Variants in CALN1 observed in about 807,000 individuals in gnomAD.
The protein encoded by CALN1 is calcium-binding protein 8.
A neutral mutation model predicts 30.6 loss-of-function variants in CALN1; 17 were observed. The ratio of observed to expected loss-of-function variants is 0.56; its 90% CI spans 0.38 to 0.83. The LOEUF (loss-of-function observed/expected upper bound fraction) is 0.83, where lower values mean the gene tolerates loss of function less well. CALN1 is among the 40% of genes least tolerant of loss of function. The pLI is 0.00. For missense variants in CALN1, 291 were observed against 354.9 expected, an observed-to-expected ratio of 0.82 and a Z score of 1.45; for synonymous variants, 156 against 131.4, an observed-to-expected ratio of 1.19 and a Z score of -1.28.
intron 5 of CALN1, among the ~76,000 whole-genome samples, chr7:71,855,449 C>A (rs1292480897): frequency 6.6e-6 from 1 of 152,040 alleles, no homozygotes; most frequent in African/African-American, 2.4e-5. Flanking sequence ...TGGTAAGTAT[C>A]CCCCACCTCA....
At chr7:71,912,247 C>T (rs1794463271) in intron 5 of CALN1, among the ~76,000 whole-genome samples, 1 of 151,974 alleles carries the variant, frequency 6.6e-6, no homozygotes, top group African/African-American at 2.4e-5. Flanking sequence ...CAAGCTATGT[C>T]TTATGGAACC....
At chr7:72,225,988 C>T (rs1008580263) in intron 3 of CALN1, among the ~76,000 whole-genome samples, 9 of 150,216 alleles carry the variant, frequency 6.0e-5, no homozygotes, top group East Asian at 2.0e-4. Flanking sequence ...CCCAGCTACT[C>T]GGGAGGCTGA....
intron 5 of CALN1, among the ~76,000 whole-genome samples, chr7:71,830,192 C>T (rs1325600342): frequency 6.6e-6 from 1 of 151,540 alleles, no homozygotes; most frequent in Non-Finnish European, 1.5e-5. Flanking sequence ...TACAGCCATG[C>T]GCCACCACGG....
At chr7:72,137,529 T>C (rs1254214668) in intron 3 of CALN1, among the ~76,000 whole-genome samples, 1 of 152,158 alleles carries the variant, frequency 6.6e-6, no homozygotes, top group African/African-American at 2.4e-5. Flanking sequence ...CCACAAACCT[T>C]TAATTTGTAA....
intron 5 of CALN1, among the ~76,000 whole-genome samples, chr7:71,829,115 C>T (rs995800608): frequency 6.6e-6 from 1 of 152,168 alleles, no homozygotes; most frequent in Non-Finnish European, 1.5e-5. Context: ...ACCTTGTGCA[C>T]ATGTCAGGAC....
At chr7:72,225,344 G>A (rs796897389) in intron 3 of CALN1, among the ~76,000 whole-genome samples, 21 of 151,986 alleles carry the variant, frequency 1.4e-4, no homozygotes, top group African/African-American at 4.6e-4. Flanking sequence ...ACCCTGCTTC[G>A]GTTCTTTTTC....
At chr7:72,208,782 A>G (rs912709872) in intron 3 of CALN1, among the ~76,000 whole-genome samples, 1 of 152,212 alleles carries the variant, frequency 6.6e-6, no homozygotes, top group Non-Finnish European at 1.5e-5. Context: ...GCCAGACACA[A>G]TAGACCATTT....
intron 5 of CALN1, among the ~76,000 whole-genome samples, chr7:71,861,369 C>G (rs1040672653): frequency 6.6e-6 from 1 of 152,214 alleles, no homozygotes; most frequent in Middle Eastern, 3.4e-3. Flanking sequence ...CTTTCTTGTC[C>G]TTACAAAATC....
chr7:72,006,447 A>T (rs1011939443), intron 5 of CALN1, among the ~76,000 whole-genome samples: 1 of 152,240 alleles, frequency 6.6e-6, no homozygotes, highest in Non-Finnish European at 1.5e-5. Flanking sequence ...ACTGTGAACA[A>T]GCAACAGTTA....
intron 2 of CALN1, among the ~76,000 whole-genome samples, chr7:72,375,574 AAAAAAAAAG>A (rs1387082345): frequency 2.0e-5 from 3 of 151,252 alleles, no homozygotes; most frequent in African/African-American, 7.3e-5. Context: ...CCAGGAAAAA[AAAAAAAAAG>A]AAAAGGAAAA....
chr7:72,242,910 A>C (rs1794930959), intron 3 of CALN1, among the ~76,000 whole-genome samples: 1 of 152,326 alleles, frequency 6.6e-6, no homozygotes, highest in African/African-American at 2.4e-5. Context: ...AAAATTAAAA[A>C]ATAAAAATTA....
At chr7:71,861,160 T>C (rs1791247529) in intron 5 of CALN1, among the ~76,000 whole-genome samples, 1 of 142,234 alleles carries the variant, frequency 7.0e-6, no homozygotes, top group Admixed American at 7.0e-5. Flanking sequence ...TAAAGCAAAC[T>C]GGTGTGTTGT....
intron 6 of CALN1, among the ~76,000 whole-genome samples, chr7:71,800,237 GC>G: frequency 6.6e-6 from 1 of 152,284 alleles, no homozygotes; most frequent in East Asian, 1.9e-4. Flanking sequence ...TCATCATCCA[GC>G]CTTTTCATGG....
intron 6 of CALN1, among the ~76,000 whole-genome samples, chr7:71,806,260 A>ACACG (rs1554341667): frequency 6.0e-5 from 9 of 150,242 alleles, no homozygotes; most frequent in East Asian, 4.1e-4. Context: ...GCACACACAC[A>ACACG]CACACACACA....
intron 5 of CALN1, among the ~76,000 whole-genome samples, chr7:71,997,727 A>C (rs1799324297): frequency 6.6e-6 from 1 of 152,232 alleles, no homozygotes; most frequent in South Asian, 2.1e-4. Flanking sequence ...AAATGACAAT[A>C]ATGTCCCTAT....
intron 5 of CALN1, among the ~76,000 whole-genome samples, chr7:71,995,529 C>T (rs1440283000): frequency 6.6e-6 from 1 of 152,114 alleles, no homozygotes; most frequent in Non-Finnish European, 1.5e-5. Flanking sequence ...AAACACAAGG[C>T]CGGCTGCCGT....
chr7:72,394,961 A>T (rs1805817971), intron 2 of CALN1, among the ~76,000 whole-genome samples: 1 of 152,130 alleles, frequency 6.6e-6, no homozygotes, highest in Non-Finnish European at 1.5e-5. Context: ...CCCAGCCTAC[A>T]TTCTATTCTT....
At position 72,232,320 on chromosome 7, in the gene CALN1, T is replaced by G. The variant is rs549554698; in HGVS notation, c.244+46366A>C. On this transcript the variant is annotated intron_variant, in intron 3 of 6. Transcript: ENST00000395275. Reference sequence around the variant, plus strand: ...CAGGTCCGGGAAGAAGACAACTAATTGAACAACTGCATTGTACGTGATAAT... The same window carrying G: ...CAGGTCCGGGAAGAAGACAACTAATGGAACAACTGCATTGTACGTGATAAT... 4.1e-4 allele frequency among the ~76,000 whole-genome samples: 63 copies of G among 152,248 alleles called. 1 individual carries two copies. The South Asian group carries it at 5.2e-3, about 13-fold the overall frequency.
chr7:72,090,955 G>A (rs1805819260), intron 4 of CALN1, among the ~76,000 whole-genome samples: 1 of 152,122 alleles, frequency 6.6e-6, no homozygotes, highest in Non-Finnish European at 1.5e-5. Context: ...AGAAGAGATG[G>A]CTAATGGGTA....
Sources: gnomAD v4.1 joint callset for allele counts (sites outside exome capture counted in the v4.1 genomes callset) on GRCh38, gnomAD v4.1.1 for gene constraint, MANE v1.5 for transcripts, NCBI Gene and HGNC (gene_info 2026-07-23, HGNC 2026-07-21) for gene names.